LRMDA: variants seen among roughly 807,000 people sequenced by gnomAD.
The protein encoded by LRMDA is leucine rich melanocyte differentiation associated.
A neutral mutation model predicts 29.8 loss-of-function variants in LRMDA; 18 were observed. The observed-to-expected ratio is 0.60, with a 90% CI of 0.42 to 0.90. The LOEUF (loss-of-function observed/expected upper bound fraction) is 0.90, where lower values mean the gene tolerates loss of function less well. LRMDA is among the 40% of genes least tolerant of loss of function. The pLI, the probability that LRMDA is intolerant of heterozygous loss-of-function variation, is 0.00. For missense variants in LRMDA, 273 were observed against 273.9 expected (o/e 1.00, Z 0.02); for synonymous variants, 125 against 109.4 (o/e 1.14, Z -0.89).
intron 2 of LRMDA, among the ~76,000 whole-genome samples, chr10:75,879,097 G>T (rs572984730): frequency 1.3e-5 from 2 of 152,158 alleles, no homozygotes; most frequent in Non-Finnish European, 2.9e-5. Context: ...CTCTTCAACC[G>T]ATCTCACAAT....
At chr10:76,436,141 C>T (rs1330141696) in intron 6 of LRMDA, among the ~76,000 whole-genome samples, 1 of 152,182 alleles carries the variant, frequency 6.6e-6, no homozygotes, top group East Asian at 1.9e-4. Flanking sequence ...GCCTTGGAAC[C>T]ATGTCTCTGA....
intron 2 of LRMDA, among the ~76,000 whole-genome samples, chr10:75,696,961 T>C (rs1056820936): frequency 6.6e-6 from 1 of 152,194 alleles, no homozygotes; most frequent in African/African-American, 2.4e-5. Context: ...TGTTCTCTTT[T>C]CTAGACTCCT....
At chr10:75,448,610 G>C (rs1306745112) in intron 2 of LRMDA, among the ~76,000 whole-genome samples, 1 of 152,202 alleles carries the variant, frequency 6.6e-6, no homozygotes, top group East Asian at 1.9e-4. Flanking sequence ...TTAGCATTTA[G>C]TGGGTGAGGC....
chr10:75,872,558 C>A (rs1165764670), intron 2 of LRMDA, among the ~76,000 whole-genome samples: 1 of 152,144 alleles, frequency 6.6e-6, no homozygotes, highest in Non-Finnish European at 1.5e-5. Flanking sequence ...CCTGCCTCAA[C>A]CTCCCAAAGT....
chr10:75,499,325 G>A (rs934807537), intron 2 of LRMDA, among the ~76,000 whole-genome samples: 1 of 152,160 alleles, frequency 6.6e-6, no homozygotes, highest in African/African-American at 2.4e-5. Flanking sequence ...ATCTTTTCCA[G>A]GTTTGTGGGT....
At position 76,376,865 on chromosome 10, in the gene LRMDA, C is replaced by CTTTTTTTTTTTTTTTTTTTTT; in HGVS notation, c.601+52398_601+52418dup. On this transcript the variant is annotated intron_variant, in intron 6 of 6. Coordinates refer to ENST00000611255, the MANE Select transcript of LRMDA (RefSeq NM_001305581.2). ...AAATGTTTGTTGGGCACTTGGAAGTCTTTTTTTTTTTTTTTTTTTTTTTTT... is the reference window on the plus strand; with the variant it reads ...AAATGTTTGTTGGGCACTTGGAAGTCTTTTTTTTTTTTTTTTTTTTTTTTTTTTTTTTTTTTTTTTTTTTTT... Among the ~76,000 whole-genome samples the CTTTTTTTTTTTTTTTTTTTTT allele has an allele frequency of 1.6e-3, 76 of 47,384 alleles. 38 individuals carry two copies. The highest frequency in any genetic ancestry group is 3.9e-3 in the Admixed American group (14 of 3,636). 31.1% of individuals were successfully genotyped at this position (47,384 alleles called of 152,430 possible). A position where few individuals can be genotyped will look rare whatever the true frequency, so the allele number is the denominator to read the frequency against.
intron 2 of LRMDA, among the ~76,000 whole-genome samples, chr10:76,020,406 G>A (rs559691067): frequency 5.9e-5 from 9 of 152,256 alleles, no homozygotes; most frequent in South Asian, 2.1e-4. Flanking sequence ...GGCAGAGGAC[G>A]AAGACAGGCC....
At chr10:76,391,190 C>T (rs1367682913) in intron 6 of LRMDA, among the ~76,000 whole-genome samples, 1 of 152,104 alleles carries the variant, frequency 6.6e-6, no homozygotes, top group Non-Finnish European at 1.5e-5. Context: ...GCCAGGAATC[C>T]AGGAAGGAGT....
intron 5 of LRMDA, among the ~76,000 whole-genome samples, chr10:76,154,339 C>A (rs760245758): frequency 2.6e-5 from 4 of 152,034 alleles, no homozygotes; most frequent in Non-Finnish European, 5.9e-5. Context: ...AGAATATATC[C>A]CCATAAGGAG....
rs543843076 is a variant in LRMDA at position 76,434,669 on chromosome 10, C to T, written c.601+110184C>T. Among the ~76,000 whole-genome samples, 3 of 152,316 alleles carry T rather than the reference C, an allele frequency of 2.0e-5. No individual in the cohort carries two copies. In the East Asian group the frequency reaches 5.8e-4, roughly 29 times the overall value. On this transcript the variant is annotated intron_variant, in intron 6 of 6. Coordinates refer to ENST00000611255, the MANE Select transcript of LRMDA (RefSeq NM_001305581.2). Reference sequence around the variant, plus strand: ...GTGCCACTGAGCATTTACCATTGGCCAGGCTCTGGCAAGATGCTCAGGATA... The same window carrying T: ...GTGCCACTGAGCATTTACCATTGGCTAGGCTCTGGCAAGATGCTCAGGATA...
chr10:76,241,764 T>C (rs1852281261), intron 5 of LRMDA, among the ~76,000 whole-genome samples: 1 of 152,032 alleles, frequency 6.6e-6, no homozygotes, highest in Non-Finnish European at 1.5e-5. Flanking sequence ...AGGCTTACAA[T>C]GTGGGGTCCT....
intron 2 of LRMDA, among the ~76,000 whole-genome samples, chr10:75,983,370 G>A (rs969271988): frequency 3.3e-5 from 5 of 152,086 alleles, no homozygotes; most frequent in Admixed American, 2.6e-4. Context: ...CTCTTCTCTC[G>A]AAACATGATC....
At chr10:75,530,454 G>A (rs1472018868) in intron 2 of LRMDA, among the ~76,000 whole-genome samples, 2 of 152,138 alleles carry the variant, frequency 1.3e-5, no homozygotes, top group Non-Finnish European at 2.9e-5. Flanking sequence ...GAATGCCTGT[G>A]AGTCCTTCCC....
chr10:76,001,580 G>A (rs1386395689), intron 2 of LRMDA, among the ~76,000 whole-genome samples: 1 of 151,408 alleles, frequency 6.6e-6, no homozygotes, highest in Non-Finnish European at 1.5e-5. Flanking sequence ...TGAATATAAT[G>A]TTTCTTTCTG....
intron 5 of LRMDA, among the ~76,000 whole-genome samples, chr10:76,098,234 T>C (rs910596689): frequency 5.3e-5 from 8 of 152,230 alleles, no homozygotes; most frequent in Admixed American, 3.3e-4. Flanking sequence ...TGTATTATTC[T>C]CTACTTATAT....
chr10:76,092,119 G>A (rs1284683630), intron 5 of LRMDA, among the ~76,000 whole-genome samples: 2 of 152,258 alleles, frequency 1.3e-5, no homozygotes, highest in African/African-American at 4.8e-5. Context: ...ATGGTTGAGG[G>A]TCATTTTCCC....
intron 2 of LRMDA, among the ~76,000 whole-genome samples, chr10:75,602,308 T>G (rs1032706459): frequency 6.6e-6 from 1 of 152,178 alleles, no homozygotes; most frequent in African/African-American, 2.4e-5. Context: ...AGTTACTTGT[T>G]AAAAGGGAAG....
intron 5 of LRMDA, among the ~76,000 whole-genome samples, chr10:76,081,333 G>A (rs1849046023): frequency 6.6e-6 from 1 of 152,114 alleles, no homozygotes; most frequent in Non-Finnish European, 1.5e-5. Flanking sequence ...AATTAGCCGG[G>A]TGTGGTGGTG....
At chr10:76,394,426 A>G (rs900740730) in intron 6 of LRMDA, among the ~76,000 whole-genome samples, 4 of 152,156 alleles carry the variant, frequency 2.6e-5, no homozygotes, top group Admixed American at 2.6e-4. Flanking sequence ...TTGTGAAAAA[A>G]TACTCTACAA....
Sources: allele counts gnomAD v4.1 joint callset (sites outside exome capture counted in the v4.1 genomes callset), GRCh38; gene constraint gnomAD v4.1.1; transcripts MANE v1.5; gene names NCBI Gene and HGNC (gene_info 2026-07-23, HGNC 2026-07-21).